Variants in ST3GAL4 observed in about 807,000 individuals in gnomAD.
ST3GAL4 encodes ST3 beta-galactoside alpha-2,3-sialyltransferase 4.
In ST3GAL4, 24 loss-of-function variants were observed where a neutral mutation model predicts 42.6. The observed-to-expected ratio is 0.56, with a 90% CI of 0.41 to 0.79. The LOEUF is 0.79. Ranked by LOEUF, ST3GAL4 falls within the 30% of genes least tolerant of loss-of-function variation. ST3GAL4 has a pLI of 0.00. For missense variants in ST3GAL4, 311 were observed against 430.8 expected (o/e 0.72, Z 2.46); for synonymous variants, 135 against 163.2 (o/e 0.83, Z 1.32).
chr11:126,357,457 G>A (rs1490467753), intron 1 of ST3GAL4, among the ~76,000 whole-genome samples: 2 of 152,174 alleles, frequency 1.3e-5, no homozygotes, highest in African/African-American at 4.8e-5. Context: ...GTTGTTCAGA[G>A]ACAACAGGGC....
In ST3GAL4 at chr11:126,393,644, C is replaced by T. The variant is rs996774864; in HGVS notation, c.-60-12452C>T. Among the ~76,000 whole-genome samples, 6 of 152,148 alleles carry T rather than the reference C, an allele frequency of 3.9e-5. No homozygotes were observed. Among genetic ancestry groups the T allele is most frequent in the Non-Finnish European group, 5.9e-5 (4 of 68,028 alleles). ...AGCCGATGAAGCTTAATAAACTCTC[C>T]TGGTGCTTCCAGTAGGCACTTGAGG... On this transcript the variant is annotated intron_variant, in intron 1 of 10. Coordinates refer to ENST00000444328, the MANE Select transcript of ST3GAL4 (RefSeq NM_001254757.2). This position sits in a 1 kb window ranked among gnomAD's most constrained non-coding sequence, Gnocchi z 5.9.
intron 1 of ST3GAL4, among the ~76,000 whole-genome samples, chr11:126,375,490 G>A (rs1952801129): frequency 6.6e-6 from 1 of 152,120 alleles, no homozygotes; most frequent in Admixed American, 6.5e-5. Context: ...GGGGGTTCTG[G>A]CTGAAGTAGC....
Position 126,393,205 on chromosome 11 carries a change from C to T in ST3GAL4, c.-60-12891C>T, listed in dbSNP as rs143560787. 30 of 152,252 alleles carry T rather than the reference C, an allele frequency of 2.0e-4. No homozygotes were observed. Among genetic ancestry groups the T allele is most frequent in the African/African-American group, 5.8e-4 (24 of 41,532 alleles). 9.4% of individuals were successfully genotyped at this position (152,252 alleles called of 1,614,324 possible). On this transcript the variant is annotated intron_variant, in intron 1 of 10. Transcript: ENST00000444328. This position sits in a 1 kb window ranked among gnomAD's most constrained non-coding sequence, Gnocchi z 5.9. Reference sequence around the variant, plus strand: ...TAGTCTCGGTAGCCAGTGCCTAGGGCACAGGTCTTGGCCAGAGGAGAGAAG... The same window carrying T: ...TAGTCTCGGTAGCCAGTGCCTAGGGTACAGGTCTTGGCCAGAGGAGAGAAG...
chr11:126,363,705 T>A lies in ST3GAL4; in HGVS notation c.-61+7863T>A, dbSNP rs1952328940. 6.6e-6 allele frequency among the ~76,000 whole-genome samples: 1 copy of A among 152,186 alleles called. No homozygotes were observed. Among genetic ancestry groups the A allele is most frequent in the Admixed American group, 6.5e-5 (1 of 15,282 alleles). ...TCTCCAAAGATGGGCTGACTAAGCT[T>A]CCCTAGCCTGGGACCTGAACCCTCC... On this transcript the variant is annotated intron_variant, in intron 1 of 10. Coordinates refer to ENST00000444328, the MANE Select transcript of ST3GAL4 (RefSeq NM_001254757.2). This position sits in a 1 kb window ranked among gnomAD's most constrained non-coding sequence, Gnocchi z 4.6.
In ST3GAL4 at chr11:126,402,451, G is replaced by GAAA. The variant is rs575036017; in HGVS notation, c.-60-3629_-60-3627dup. 8.7e-3 allele frequency among the ~76,000 whole-genome samples: 882 copies of GAAA among 100,924 alleles called. 11 individuals carry two copies. Among genetic ancestry groups the GAAA allele is most frequent in the African/African-American group, 0.03 (812 of 27,042 alleles). The allele number at this position is 100,924 out of a possible 152,430, so 66.2% of individuals were successfully genotyped here. The stretch of plus-strand genomic sequence containing the variant: ...CCTGGGCGATAGAGCAAGACTGTCT[G>GAAA]AAAAAAAAAAAAAAAAAAGAAGAAG... On this transcript the variant is annotated intron_variant, in intron 1 of 10. Coordinates refer to ENST00000444328, the MANE Select transcript of ST3GAL4 (RefSeq NM_001254757.2).
intron 1 of ST3GAL4, among the ~76,000 whole-genome samples, chr11:126,374,454 CAAA>C (rs869295718): frequency 7.9e-5 from 5 of 63,206 alleles, no homozygotes; most frequent in Middle Eastern, 8.6e-3. Context: ...ACTTTGTCTC[CAAA>C]AAAAAAAAAA....
chr11:126,358,353 G>T, intron 1 of ST3GAL4: 1 of 349,104 alleles, frequency 2.9e-6, no homozygotes, highest in Non-Finnish European at 6.0e-6. Context: ...GAAATGGTGA[G>T]TGTAGGCAGA....
chr11:126,378,108 G>A lies in ST3GAL4; in HGVS notation c.-61+22266G>A, dbSNP rs1186934913. ...TAAGGATTTGTATGGCAATTGAAGA[G>A]TCATATCTAGTCATTTTAGGTAGAA... On this transcript the variant is annotated intron_variant, in intron 1 of 10. Transcript: ENST00000444328. The surrounding 1 kb of genome is among the most constrained non-coding windows in gnomAD (Gnocchi z 5.3). Among the ~76,000 whole-genome samples the A allele has an allele frequency of 1.3e-5, 2 of 152,148 alleles. No individual in the cohort carries two copies. The highest frequency in any genetic ancestry group is 2.9e-5 in the Non-Finnish European group (2 of 68,034).
At chr11:126,367,908 G>T (rs1454491196) in intron 1 of ST3GAL4, among the ~76,000 whole-genome samples, 1 of 152,176 alleles carries the variant, frequency 6.6e-6, no homozygotes, top group Non-Finnish European at 1.5e-5. Context: ...AGCACTTTGG[G>T]AGGCCAAGGC....
In ST3GAL4 at chr11:126,391,167, C is replaced by G. The variant is rs539956827; in HGVS notation, c.-60-14929C>G. Among the ~76,000 whole-genome samples the G allele has an allele frequency of 2.6e-4, 40 of 152,022 alleles. No individual in the cohort carries two copies. Among genetic ancestry groups the G allele is most frequent in the Non-Finnish European group, 4.9e-4 (33 of 68,014 alleles). On this transcript the variant is annotated intron_variant, in intron 1 of 10. Transcript: ENST00000444328. The surrounding 1 kb of genome is among the most constrained non-coding windows in gnomAD (Gnocchi z 5.5). Reference sequence around the variant, plus strand: ...TGTGACCACGGGTGTACAGATATCTCTTTGACATCCTGGTCTCAAATATTT... The same window carrying G: ...TGTGACCACGGGTGTACAGATATCTGTTTGACATCCTGGTCTCAAATATTT...
Position 126,413,606 on chromosome 11 carries a change from G to C in ST3GAL4, c.873G>C (p.Gln291His). ...ACCCAGACGCCTACAACAAGAAGCA[G>C]ACCATTCACTACTATGAGCAGATCA... ...FGYPDAYNKK[Q>H]TIHYYEQITL... Residue 291 changes from glutamine to histidine, a missense_variant, in exon 10 of 11, where the codon CAG (glutamine) becomes CAC (histidine). Transcript: ENST00000444328. 6.2e-7 allele frequency: 1 copy of C among 1,614,270 alleles called. No homozygotes were observed. The highest frequency in any genetic ancestry group is 8.5e-7 in the Non-Finnish European group (1 of 1,180,058).
intron 1 of ST3GAL4, among the ~76,000 whole-genome samples, chr11:126,364,612 C>A (rs1346442492): frequency 6.9e-6 from 1 of 144,176 alleles, no homozygotes; most frequent in East Asian, 2.3e-4. Flanking sequence ...TGAATAAATG[C>A]CATTAAAAGG....
At chr11:126,402,706 G>C (rs1237295861) in intron 1 of ST3GAL4, among the ~76,000 whole-genome samples, 1 of 152,212 alleles carries the variant, frequency 6.6e-6, no homozygotes, top group East Asian at 1.9e-4. Context: ...AGTACTCACT[G>C]TGTGTTAGGC....
In ST3GAL4 at chr11:126,406,538, G is replaced by T. The variant is rs753088020; in HGVS notation, c.82G>T (p.Glu28Ter). 6.2e-7 allele frequency: 1 copy of T among 1,614,194 alleles called. No homozygotes were observed. Among genetic ancestry groups the T allele is most frequent in the Non-Finnish European group, 8.5e-7 (1 of 1,180,036 alleles). The change falls in exon 3 of 11, where the codon GAA becomes TAA. Residue 28 changes from glutamate (E) to a stop codon, truncating the protein, a stop_gained. Transcript: ENST00000444328. LOFTEE classifies it high-confidence loss of function. This position sits in a 1 kb window ranked among gnomAD's most constrained non-coding sequence, Gnocchi z 5.4. ...CATGGTGTGGTATTCCATCTCCCGG[G>T]AAGACAGGTACATCGAGCTGTGAGT... ...VVMVWYSISR[E>*]DRYIELFYFP...
intron 1 of ST3GAL4, chr11:126,358,490 C>T: frequency 2.2e-6 from 1 of 455,032 alleles, no homozygotes; most frequent in Non-Finnish European, 4.4e-6. Context: ...ACCCCAACCC[C>T]TGCCACATTT....
At chr11:126,370,589 T>A (rs1952605415) in intron 1 of ST3GAL4, among the ~76,000 whole-genome samples, 1 of 152,208 alleles carries the variant, frequency 6.6e-6, no homozygotes, top group South Asian at 2.1e-4. Flanking sequence ...CTTGCTCACT[T>A]GCTCTCTGTA....
At chr11:126,389,407 C>T (rs1192592293) in intron 1 of ST3GAL4, among the ~76,000 whole-genome samples, 3 of 152,142 alleles carry the variant, frequency 2.0e-5, no homozygotes, top group African/African-American at 7.2e-5. Flanking sequence ...TTTTATTCTT[C>T]CCCATCTCCC....
intron 1 of ST3GAL4, among the ~76,000 whole-genome samples, chr11:126,368,349 A>G (rs933940891): frequency 2.0e-5 from 3 of 152,226 alleles, no homozygotes; most frequent in Non-Finnish European, 4.4e-5. Context: ...AAGAAATCCC[A>G]GATTCTGCCA....
intron 1 of ST3GAL4, among the ~76,000 whole-genome samples, chr11:126,399,218 C>G (rs186767937): frequency 1.3e-5 from 2 of 151,648 alleles, no homozygotes; most frequent in East Asian, 3.9e-4. Flanking sequence ...CTTTCATTCT[C>G]TACTACAGGG....
Sources: allele counts gnomAD v4.1 joint callset (sites outside exome capture counted in the v4.1 genomes callset), GRCh38; gene constraint gnomAD v4.1.1; non-coding constraint Gnocchi (gnomAD v3.1); transcripts MANE v1.5; gene names NCBI Gene and HGNC (gene_info 2026-07-23, HGNC 2026-07-21).